Variants in CDH18 observed in about 807,000 individuals in gnomAD.
The protein encoded by CDH18 is cadherin 18.
Under a neutral mutation model 67.9 loss-of-function variants are expected in CDH18, and 31 were observed. The ratio of observed to expected loss-of-function variants is 0.46; its 90% confidence interval spans 0.34 to 0.62. The LOEUF (loss-of-function observed/expected upper bound fraction) is 0.62. CDH18 is among the 20% of genes least tolerant of loss of function. The pLI is 0.01. For synonymous variants in CDH18, 362 were observed against 347.2 expected, an observed-to-expected ratio of 1.04 and a Z score of -0.48; for missense variants, 890 against 975.5, an observed-to-expected ratio of 0.91 and a Z score of 1.17.
At chr5:19,492,519 T>C (rs953236384) in intron 11 of CDH18, among the ~76,000 whole-genome samples, 8 of 152,114 alleles carry the variant, frequency 5.3e-5, no homozygotes, top group Admixed American at 2.0e-4. Flanking sequence ...AAATTAAAAG[T>C]TGACATCACA....
At chr5:19,737,829 ACAT>A (rs1768551747) in intron 4 of CDH18, among the ~76,000 whole-genome samples, 2 of 152,222 alleles carry the variant, frequency 1.3e-5, no homozygotes, top group African/African-American at 4.8e-5. Context: ...AGGGACAACA[ACAT>A]CGACTGATTA....
intron 1 of CDH18, among the ~76,000 whole-genome samples, chr5:20,298,191 C>T (rs955784319): frequency 6.6e-6 from 1 of 152,118 alleles, no homozygotes; most frequent in Non-Finnish European, 1.5e-5. Flanking sequence ...AACTATCTAT[C>T]TCTTTTGTAA....
chr5:19,804,606 T>C (rs986963022), intron 3 of CDH18, among the ~76,000 whole-genome samples: 1 of 152,174 alleles, frequency 6.6e-6, no homozygotes, highest in African/African-American at 2.4e-5. Flanking sequence ...TTATTAAGCT[T>C]GTTTCAGATG....
chr5:20,191,217 A>G (rs1287653257), intron 2 of CDH18, among the ~76,000 whole-genome samples: 2 of 152,170 alleles, frequency 1.3e-5, no homozygotes, highest in Non-Finnish European at 2.9e-5. Context: ...TCTGAAGTTT[A>G]TATATTCCCC....
At chr5:20,311,599 A>G (rs1338858336) in intron 1 of CDH18, among the ~76,000 whole-genome samples, 1 of 152,156 alleles carries the variant, frequency 6.6e-6, no homozygotes, top group Non-Finnish European at 1.5e-5. Context: ...GAACAATGAG[A>G]ACACAGGGAC....
intron 1 of CDH18, among the ~76,000 whole-genome samples, chr5:20,327,195 A>G (rs1464246927): frequency 6.6e-6 from 1 of 152,210 alleles, no homozygotes; most frequent in Admixed American, 6.5e-5. Flanking sequence ...CCAAAGGGAA[A>G]GTTCAGCTTG....
chr5:20,323,042 T>A (rs1013238550), intron 1 of CDH18, among the ~76,000 whole-genome samples: 17 of 152,114 alleles, frequency 1.1e-4, no homozygotes, highest in African/African-American at 4.1e-4. Flanking sequence ...TGATATGACC[T>A]GGATATGGTC....
chr5:19,933,044 C>G (rs1793877160), intron 2 of CDH18, among the ~76,000 whole-genome samples: 1 of 151,430 alleles, frequency 6.6e-6, no homozygotes, highest in African/African-American at 2.4e-5. Context: ...TATACCTAAT[C>G]ATAACTGTAA....
intron 2 of CDH18, among the ~76,000 whole-genome samples, chr5:19,949,628 T>C (rs1795595926): frequency 6.6e-6 from 1 of 152,194 alleles, no homozygotes; most frequent in African/African-American, 2.4e-5. Context: ...ATTTTTCTTT[T>C]AATTTTTCTG....
chr5:20,032,699 G>A (rs1257940867), intron 2 of CDH18, among the ~76,000 whole-genome samples: 1 of 151,948 alleles, frequency 6.6e-6, no homozygotes, highest in Non-Finnish European at 1.5e-5. Context: ...TCTTAAACTT[G>A]ACGATCTAGT....
chr5:19,827,385 A>G (rs990628820), intron 3 of CDH18, among the ~76,000 whole-genome samples: 1 of 151,896 alleles, frequency 6.6e-6, no homozygotes, highest in Non-Finnish European at 1.5e-5. Context: ...TGACCAAATG[A>G]GTTTAACAAA....
chr5:20,449,437 T>C (rs1478104902), intron 1 of CDH18, among the ~76,000 whole-genome samples: 1 of 152,060 alleles, frequency 6.6e-6, no homozygotes, highest in African/African-American at 2.4e-5. Flanking sequence ...GGGCTTCATA[T>C]AAATGATGTA....
intron 5 of CDH18, among the ~76,000 whole-genome samples, chr5:19,655,756 T>G (rs1756272972): frequency 1.3e-5 from 2 of 152,072 alleles, no homozygotes; most frequent in Admixed American, 1.3e-4. Flanking sequence ...ACCCCAGAGC[T>G]ACACTCTGTG....
intron 2 of CDH18, among the ~76,000 whole-genome samples, chr5:20,063,021 G>A (rs1198534926): frequency 7.2e-6 from 1 of 139,654 alleles, no homozygotes; most frequent in African/African-American, 2.6e-5. Flanking sequence ...CAGAGTCTTG[G>A]TCTGTCACCC....
chr5:19,556,007 G>A (rs150339531), intron 8 of CDH18, among the ~76,000 whole-genome samples: 1 of 152,120 alleles, frequency 6.6e-6, no homozygotes, highest in African/African-American at 2.4e-5. Context: ...TGGGTGGCTA[G>A]AGCTAGAGGA....
At chr5:20,426,525 AC>A (rs1211878273) in intron 1 of CDH18, among the ~76,000 whole-genome samples, 2 of 151,166 alleles carry the variant, frequency 1.3e-5, no homozygotes, top group Admixed American at 1.3e-4. Flanking sequence ...GGAGCTTTCC[AC>A]TTTTTAATCC....
chr5:20,434,948 A>G (rs945146182), intron 1 of CDH18, among the ~76,000 whole-genome samples: 1 of 152,058 alleles, frequency 6.6e-6, no homozygotes, highest in Non-Finnish European at 1.5e-5. Context: ...GGGTATGCAT[A>G]CATTCAGATG....
intron 10 of CDH18, among the ~76,000 whole-genome samples, chr5:19,514,310 T>C (rs1310048930): frequency 6.6e-6 from 1 of 152,080 alleles, no homozygotes; most frequent in Non-Finnish European, 1.5e-5. Context: ...GAACATACAT[T>C]TGCATGTGTC....
chr5:19,615,314 A>T (rs1749649269), intron 5 of CDH18, among the ~76,000 whole-genome samples: 2 of 152,178 alleles, frequency 1.3e-5, no homozygotes. Flanking sequence ...CCTGGAACCC[A>T]GACGCATTTT....
Sources: gnomAD v4.1 joint callset for allele counts (sites outside exome capture counted in the v4.1 genomes callset) on GRCh38, gnomAD v4.1.1 for gene constraint, MANE v1.5 for transcripts, NCBI Gene and HGNC (gene_info 2026-07-23, HGNC 2026-07-21) for gene names.